The following PPA2 variants were observed in gnomAD, a reference collection of about 807,000 sequenced individuals.
PPA2 encodes inorganic pyrophosphatase 2, mitochondrial.
PPA2 carries 48 observed loss-of-function variants against 49.5 expected under a neutral mutation model. The ratio of observed to expected loss-of-function variants is 0.97; its 90% confidence interval spans 0.77 to 1.23. The LOEUF is 1.23. PPA2 is among the 50% of genes most tolerant of loss of function. The pLI, the probability that PPA2 is intolerant of heterozygous loss-of-function variation, is 0.00. For missense variants in PPA2, 429 were observed against 410.1 expected, an observed-to-expected ratio of 1.05 and a Z score of -0.40; for synonymous variants, 131 against 139.9, an observed-to-expected ratio of 0.94 and a Z score of 0.45.
At chr4:105,410,393 T>G (rs1255721925) in intron 7 of PPA2, among the ~76,000 whole-genome samples, 1 of 152,158 alleles carries the variant, frequency 6.6e-6, no homozygotes, top group Non-Finnish European at 1.5e-5. Flanking sequence ...GAATAAAGCC[T>G]CCAAGAAATA....
At chr4:105,447,642 C>A (rs77781699) in intron 4 of PPA2, among the ~76,000 whole-genome samples, 1 of 151,774 alleles carries the variant, frequency 6.6e-6, no homozygotes, top group African/African-American at 2.4e-5. Flanking sequence ...TAAATATATA[C>A]GATTATAACT....
At chr4:105,455,978 T>C (rs1404637203) in intron 2 of PPA2, 3 of 226,300 alleles carry the variant, frequency 1.3e-5, no homozygotes, top group Non-Finnish European at 1.9e-5. Flanking sequence ...AACTTAATGA[T>C]GATCATGAAT....
intron 7 of PPA2, among the ~76,000 whole-genome samples, chr4:105,413,321 G>C (rs1722848239): frequency 6.6e-6 from 1 of 152,006 alleles, no homozygotes; most frequent in African/African-American, 2.4e-5. Context: ...GCCTGTTGGG[G>C]GGTGGGGGAC....
At chr4:105,430,263 A>T (rs1360734413) in intron 6 of PPA2, among the ~76,000 whole-genome samples, 2 of 152,236 alleles carry the variant, frequency 1.3e-5, no homozygotes, top group African/African-American at 4.8e-5. Flanking sequence ...TTGGAAGTTG[A>T]TTCTAAAATC....
intron 1 of PPA2, among the ~76,000 whole-genome samples, chr4:105,464,418 T>C (rs990458806): frequency 1.4e-4 from 21 of 152,218 alleles, no homozygotes; most frequent in African/African-American, 4.3e-4. Context: ...GGGACTTGCC[T>C]TGTCTCAGAT....
In PPA2 at chr4:105,456,677, A is replaced by T. The variant is rs200307466; in HGVS notation, c.222+4T>A. The T allele has an allele frequency of 1.0e-3, 1,598 of 1,594,404 alleles. 5 individuals carry two copies. Among genetic ancestry groups the T allele is most frequent in the Admixed American group, 2.7e-3 (157 of 57,922 alleles). On this transcript the variant is annotated splice_donor_region_variant and intron_variant, in intron 2 of 11. Transcript: ENST00000341695. ...TTCATTCCCAAAACAAGTCAAAACA[A>T]TACCTCTTTAGAGTTCACCTTCAGA...
chr4:105,433,931 C>T (rs900758422), intron 6 of PPA2, among the ~76,000 whole-genome samples: 1 of 152,202 alleles, frequency 6.6e-6, no homozygotes, highest in South Asian at 2.1e-4. Flanking sequence ...TAATTGCTAA[C>T]TTATACAGGC....
At chr4:105,415,552 G>T (rs1014328127) in intron 7 of PPA2, among the ~76,000 whole-genome samples, 9 of 152,212 alleles carry the variant, frequency 5.9e-5, no homozygotes, top group Non-Finnish European at 1.2e-4. Context: ...AGAGGTGGGT[G>T]GGGGCTTCTC....
intron 1 of PPA2, among the ~76,000 whole-genome samples, chr4:105,472,078 A>G (rs1723546436): frequency 6.6e-6 from 1 of 152,374 alleles, no homozygotes; most frequent in East Asian, 1.9e-4. Flanking sequence ...AGAGACTGTT[A>G]GAATCTCCGT....
At chr4:105,402,187 G>T (rs1722230916) in intron 7 of PPA2, among the ~76,000 whole-genome samples, 1 of 151,944 alleles carries the variant, frequency 6.6e-6, no homozygotes, top group Non-Finnish European at 1.5e-5. Flanking sequence ...TGGGAGGATT[G>T]CTTGAGCCTA....
chr4:105,425,999 G>A (rs1077526), intron 6 of PPA2, among the ~76,000 whole-genome samples: 33,100 of 151,952 alleles, frequency 0.22, 4,722 homozygotes, highest in African/African-American at 0.4. Flanking sequence ...CTAGAATGCC[G>A]GGAGTCATAA....
chr4:105,430,496 C>A (rs948655907), intron 6 of PPA2, among the ~76,000 whole-genome samples: 4 of 152,092 alleles, frequency 2.6e-5, no homozygotes, highest in Non-Finnish European at 5.9e-5. Context: ...ACTTAGACAC[C>A]CCAGGGCCGA....
Position 105,470,435 on chromosome 4 carries a change from G to A in PPA2, c.157+3459C>T, listed in dbSNP as rs150448384. ...GGGGAAGTCAAGGCTGCTGTGAGTC[G>A]TGATTGCACACTGTGCTCCAGCTTG... On this transcript the variant is annotated intron_variant, in intron 1 of 11. Coordinates refer to ENST00000341695, the MANE Select transcript of PPA2 (RefSeq NM_176869.3). 8.6e-3 allele frequency among the ~76,000 whole-genome samples: 1,313 copies of A among 152,246 alleles called. 11 individuals are homozygous for A. The highest frequency in any genetic ancestry group is 0.021 in the South Asian group (100 of 4,830).
chr4:105,397,757 C>T (rs896770206), intron 8 of PPA2, among the ~76,000 whole-genome samples: 13 of 152,128 alleles, frequency 8.5e-5, no homozygotes, highest in African/African-American at 2.9e-4. Flanking sequence ...CACCTTCCAC[C>T]TCTCTCACTT....
chr4:105,452,722 CA>C (rs1195195501), intron 3 of PPA2, among the ~76,000 whole-genome samples: 1 of 152,096 alleles, frequency 6.6e-6, no homozygotes, highest in Non-Finnish European at 1.5e-5. Flanking sequence ...GACAGGAAAG[CA>C]GCAGGAAAAG....
intron 10 of PPA2, 76 bp downstream of exon 10, chr4:105,386,491 A>G (rs1578802609): frequency 8.2e-6 from 11 of 1,343,024 alleles, no homozygotes; most frequent in Non-Finnish European, 1.2e-5. Context: ...TTTCATTGCT[A>G]GAGATTTCAG....
intron 7 of PPA2, among the ~76,000 whole-genome samples, chr4:105,418,607 T>G (rs889609258): frequency 6.6e-6 from 1 of 152,244 alleles, no homozygotes; most frequent in Non-Finnish European, 1.5e-5. Flanking sequence ...CCACAATGTA[T>G]CTATATCAAT....
intron 6 of PPA2, among the ~76,000 whole-genome samples, chr4:105,428,270 G>A (rs769457563): frequency 7.9e-5 from 12 of 152,140 alleles, no homozygotes; most frequent in Non-Finnish European, 1.5e-4. Context: ...GATGATCGAT[G>A]CTATGAAGAA....
intron 5 of PPA2, 86 bp downstream of exon 5, chr4:105,446,297 C>T: frequency 7.3e-7 from 1 of 1,368,448 alleles, no homozygotes; most frequent in Non-Finnish European, 9.8e-7. Flanking sequence ...GTCCTCAGAA[C>T]CAATTTAAAT....
Sources: allele counts gnomAD v4.1 joint callset (sites outside exome capture counted in the v4.1 genomes callset), GRCh38; gene constraint gnomAD v4.1.1; transcripts MANE v1.5; gene names NCBI Gene and HGNC (gene_info 2026-07-23, HGNC 2026-07-21).